FSTL4: variants seen among roughly 807,000 people sequenced by gnomAD.
FSTL4 encodes the protein follistatin like 4, also known as follistatin-related protein 4.
Under a neutral mutation model 78.2 loss-of-function variants are expected in FSTL4, and 28 were observed. That is an observed-to-expected ratio of 0.36 (90% CI 0.27 to 0.49). FSTL4 has a LOEUF of 0.49. Ranked by LOEUF, FSTL4 falls within the 20% of genes least tolerant of loss-of-function variation. The probability of loss-of-function intolerance (pLI) is 0.98; values close to 1 mark genes in which losing one functional copy is unlikely to be tolerated. For synonymous variants in FSTL4, 422 were observed against 440.5 expected (o/e 0.96, Z 0.53); for missense variants, 922 against 1,084.9 (o/e 0.85, Z 2.11).
intron 4 of FSTL4, among the ~76,000 whole-genome samples, chr5:133,326,600 C>T (rs1754217707): frequency 6.6e-6 from 1 of 152,232 alleles, no homozygotes; most frequent in Non-Finnish European, 1.5e-5. Flanking sequence ...AGAAAGCCCG[C>T]CCGCAGAGCT....
intron 4 of FSTL4, among the ~76,000 whole-genome samples, chr5:133,381,177 C>T (rs58720628): frequency 0.021 from 3,201 of 152,306 alleles, 115 homozygotes; most frequent in African/African-American, 0.074. Flanking sequence ...AACACTTTCA[C>T]AGGTGCACAG....
chr5:133,230,795 C>A (rs769232049), intron 8 of FSTL4, among the ~76,000 whole-genome samples: 45 of 152,188 alleles, frequency 3.0e-4, no homozygotes, highest in Admixed American at 5.2e-4. Context: ...TGGGGCATCC[C>A]TCCTCCCCAG....
At chr5:133,354,968 G>C (rs189098125) in intron 4 of FSTL4, among the ~76,000 whole-genome samples, 76 of 152,366 alleles carry the variant, frequency 5.0e-4, no homozygotes, top group Non-Finnish European at 9.8e-4. Context: ...GGTGGGCTCT[G>C]TCTACTGCTA....
chr5:133,703,771 A>G, the FSTL4 span, among the ~76,000 whole-genome samples: 1 of 152,208 alleles, frequency 6.6e-6, no homozygotes, highest in Non-Finnish European at 1.5e-5. Flanking sequence ...CTGAGGGCAC[A>G]AAAGTAGGCC....
intron 2 of FSTL4, among the ~76,000 whole-genome samples, chr5:133,570,526 G>A (rs1209721535): frequency 3.3e-5 from 5 of 152,010 alleles, no homozygotes; most frequent in Non-Finnish European, 7.4e-5. Context: ...TATTTTGGTC[G>A]GTGGCCAGCT....
intron 4 of FSTL4, among the ~76,000 whole-genome samples, chr5:133,326,552 G>A (rs577488334): frequency 6.6e-6 from 1 of 152,312 alleles, no homozygotes; most frequent in African/African-American, 2.4e-5. Flanking sequence ...CCCTCCCAGT[G>A]GTCCCAGTCT....
the FSTL4 span, among the ~76,000 whole-genome samples, chr5:133,736,500 A>G: frequency 1.3e-5 from 2 of 152,202 alleles, no homozygotes; most frequent in African/African-American, 4.8e-5. Flanking sequence ...AATCTGAAAA[A>G]AAGAAAATTA....
At chr5:133,493,413 T>C (rs1490898200) in intron 3 of FSTL4, among the ~76,000 whole-genome samples, 1 of 152,244 alleles carries the variant, frequency 6.6e-6, no homozygotes, top group Non-Finnish European at 1.5e-5. Flanking sequence ...AGAATTTCTG[T>C]AACGTGTAAG....
At chr5:133,351,098 C>G (rs62375986) in intron 4 of FSTL4, among the ~76,000 whole-genome samples, 69 of 152,306 alleles carry the variant, frequency 4.5e-4, no homozygotes, top group Non-Finnish European at 8.2e-4. Flanking sequence ...GAAAGCGGCA[C>G]AGATGTCTCC....
chr5:133,688,925 C>A, the FSTL4 span, among the ~76,000 whole-genome samples: 1 of 152,188 alleles, frequency 6.6e-6, no homozygotes, highest in African/African-American at 2.4e-5. Context: ...CCTGTAGCCT[C>A]CTCACACGAC....
chr5:133,289,165 G>A (rs1753201614), intron 6 of FSTL4, among the ~76,000 whole-genome samples: 1 of 152,232 alleles, frequency 6.6e-6, no homozygotes, highest in Non-Finnish European at 1.5e-5. Flanking sequence ...TCAGGGCAAA[G>A]CAGGGCAGAG....
chr5:133,697,256 G>T, the FSTL4 span, among the ~76,000 whole-genome samples: 1 of 152,214 alleles, frequency 6.6e-6, no homozygotes, highest in African/African-American at 2.4e-5. Flanking sequence ...ACCACCCTGA[G>T]GAAGGACTCG....
the FSTL4 span, among the ~76,000 whole-genome samples, chr5:133,673,926 C>A: frequency 6.6e-6 from 1 of 152,190 alleles, no homozygotes; most frequent in African/African-American, 2.4e-5. Context: ...TTTGTTCTTA[C>A]TATAATTTTT....
chr5:133,798,970 A>AGGAAGGGAGGGAGGGAGGGAGGGAGGG, the FSTL4 span, among the ~76,000 whole-genome samples: 6 of 61,920 alleles, frequency 9.7e-5, no homozygotes, highest in African/African-American at 7.4e-4. Flanking sequence ...GGGAGGGAGG[A>AGGAAGGGAGGGAGGGAGGGAGGGAGGG]AGGGAGGGAG....
the FSTL4 span, among the ~76,000 whole-genome samples, chr5:133,620,944 G>T: frequency 6.6e-6 from 1 of 152,170 alleles, no homozygotes; most frequent in Non-Finnish European, 1.5e-5. Context: ...AGGAAAATAA[G>T]TCATTATTCG....
intron 3 of FSTL4, among the ~76,000 whole-genome samples, chr5:133,418,622 T>C (rs1756627774): frequency 1.3e-5 from 2 of 152,214 alleles, no homozygotes; most frequent in Non-Finnish European, 2.9e-5. Flanking sequence ...AAATGCTACC[T>C]TAACTCATGA....
the FSTL4 span, among the ~76,000 whole-genome samples, chr5:133,840,449 C>T: frequency 1.3e-5 from 2 of 152,202 alleles, no homozygotes; most frequent in African/African-American, 2.4e-5. Flanking sequence ...AGGCAATAAA[C>T]ACTCCGATTT....
chr5:133,685,852 T>C, the FSTL4 span, among the ~76,000 whole-genome samples: 363 of 152,376 alleles, frequency 2.4e-3, no homozygotes, highest in African/African-American at 8.1e-3. Context: ...ACCCTCACTG[T>C]GTCCCAGCCG....
the FSTL4 span, among the ~76,000 whole-genome samples, chr5:133,818,962 C>T: frequency 3.2e-3 from 98 of 30,866 alleles, 1 homozygote; most frequent in African/African-American, 8.5e-3. Flanking sequence ...CACACACACA[C>T]GTACGCATGC....
Sources: allele counts gnomAD v4.1 joint callset (sites outside exome capture counted in the v4.1 genomes callset), GRCh38; gene constraint gnomAD v4.1.1; transcripts MANE v1.5; gene names NCBI Gene and HGNC (gene_info 2026-07-23, HGNC 2026-07-21).